UGT1A10: variants seen among roughly 807,000 people sequenced by gnomAD.
UGT1A10 encodes UDP glucuronosyltransferase family 1 member A10.
A neutral mutation model predicts 45.8 loss-of-function variants in UGT1A10; 49 were observed. The observed-to-expected ratio is 1.07, with a 90% CI of 0.85 to 1.36. The LOEUF (loss-of-function observed/expected upper bound fraction) is 1.36, where lower values mean the gene tolerates loss of function less well. UGT1A10 is among the 40% of genes most tolerant of loss of function. UGT1A10 has a pLI of 0.00. For synonymous variants in UGT1A10, 284 were observed against 249.7 expected (o/e 1.14, Z -1.29); for missense variants, 745 against 668.6 (o/e 1.11, Z -1.26).
chr2:233,709,314 G>A (rs1055601324), intron 1 of UGT1A10, among the ~76,000 whole-genome samples: 31 of 152,226 alleles, frequency 2.0e-4, no homozygotes, highest in Non-Finnish European at 2.2e-4. Flanking sequence ...TTAGATGTCA[G>A]ATTTTTTGTT....
At chr2:233,729,866 A>C (rs1305518931) in intron 1 of UGT1A10, 8 of 1,613,728 alleles carry the variant, frequency 5.0e-6, no homozygotes, top group Non-Finnish European at 5.9e-6. Flanking sequence ...TCAGTGGTGG[A>C]TATTCTCAGT....
At chr2:233,713,362 T>C (rs2076312243) in intron 1 of UGT1A10, 10 of 1,614,230 alleles carry the variant, frequency 6.2e-6, no homozygotes, top group Non-Finnish European at 8.5e-6. Context: ...TCTTTGATCA[T>C]ACATAGGTCT....
At chr2:233,755,342 A>G in intron 1 of UGT1A10, 1 of 423,680 alleles carries the variant, frequency 2.4e-6, no homozygotes, top group Non-Finnish European at 4.1e-6. Flanking sequence ...CGCACAGGTC[A>G]GAGGCTTGGC....
In UGT1A10 at chr2:233,694,973, C is replaced by T. The variant is rs45521138; in HGVS notation, c.855+57596C>T. Among the ~76,000 whole-genome samples, 1,213 of 152,278 alleles carry T rather than the reference C, an allele frequency of 8.0e-3. 9 individuals are homozygous for T. Among genetic ancestry groups the T allele is most frequent in the Non-Finnish European group, 0.011 (721 of 68,026 alleles). ...CCATCACCTTGAACATTTATTCCTT[C>T]CTTATGTTGGGAACATTCCCATTCT... On this transcript the variant is annotated intron_variant, in intron 1 of 4. Coordinates refer to ENST00000344644, the MANE Select transcript of UGT1A10 (RefSeq NM_019075.4).
At chr2:233,729,141 C>T (rs751723491) in intron 1 of UGT1A10, 1 of 1,613,272 alleles carries the variant, frequency 6.2e-7, no homozygotes, top group Admixed American at 1.7e-5. Flanking sequence ...CCACAGGACT[C>T]CAGGTTCCCC....
In UGT1A10 at chr2:233,691,469, C is replaced by A. The variant is rs183049628; in HGVS notation, c.855+54092C>A. ...CCCTTCCTGGGCCCCAGAACACCTCCGGTGCCAAACTTGTGGGTGGGAACA... is the reference window on the plus strand; with the variant it reads ...CCCTTCCTGGGCCCCAGAACACCTCAGGTGCCAAACTTGTGGGTGGGAACA... On this transcript the variant is annotated intron_variant, in intron 1 of 4. Transcript: ENST00000344644. 3.0e-6 allele frequency: 3 copies of A among 985,780 alleles called. No individual in the cohort carries two copies. In the East Asian group the frequency reaches 3.4e-4, roughly 111 times the overall value. 61.1% of individuals were successfully genotyped at this position (985,780 alleles called of 1,614,324 possible).
intron 1 of UGT1A10, chr2:233,682,765 C>G (rs141393523): frequency 8.1e-6 from 13 of 1,613,600 alleles, no homozygotes; most frequent in Non-Finnish European, 1.0e-5. Flanking sequence ...GTGGTATCAA[C>G]TGTCATCAGG....
At chr2:233,680,692 CA>C (rs112385329) in intron 1 of UGT1A10, among the ~76,000 whole-genome samples, 2,141 of 152,216 alleles carry the variant, frequency 0.014, 63 homozygotes, top group African/African-American at 0.049. Flanking sequence ...AGGATGAAAA[CA>C]GGTAGAAGAT....
At position 233,768,551 on chromosome 2, in the gene UGT1A10, A is replaced by G. The variant is rs1699641302; in HGVS notation, c.1295+112A>G. The G allele has an allele frequency of 4.1e-6, 6 of 1,478,370 alleles. No individual in the cohort carries two copies. The East Asian group carries it at 1.5e-4, about 37-fold the overall frequency. 91.6% of individuals were successfully genotyped at this position (1,478,370 alleles called of 1,614,324 possible). A position where few individuals can be genotyped will look rare whatever the true frequency, so the allele number is the denominator to read the frequency against. The stretch of plus-strand genomic sequence containing the variant: ...ATAGCGTTGTTTCAAATATAAAAAC[A>G]AATACATAAAAATCTGGATTTTTAT... On this transcript the variant is annotated intron_variant, in intron 4 of 4. Transcript: ENST00000344644.
At chr2:233,701,498 T>C (rs1292229198) in intron 1 of UGT1A10, among the ~76,000 whole-genome samples, 11 of 152,126 alleles carry the variant, frequency 7.2e-5, no homozygotes, top group Middle Eastern at 3.2e-3. Context: ...GCGGACCTAA[T>C]AGACATCTAC....
chr2:233,727,376 G>A lies in UGT1A10; in HGVS notation c.856-39658G>A, dbSNP rs2077610923. The stretch of plus-strand genomic sequence containing the variant: ...TATCCTTAGGGCCCCTAGGTCTCTG[G>A]AGTACCACCGTCTTCCAAGATACAT... On this transcript the variant is annotated intron_variant, in intron 1 of 4. Transcript: ENST00000344644. Among the ~76,000 whole-genome samples the A allele has an allele frequency of 2.0e-5, 3 of 152,142 alleles. No homozygotes were observed. The South Asian group carries it at 6.2e-4, about 32-fold the overall frequency.
rs372244167 is a variant in UGT1A10 at position 233,672,439 on chromosome 2, G to T, written c.855+35062G>T. On this transcript the variant is annotated intron_variant, in intron 1 of 4. Coordinates refer to ENST00000344644, the MANE Select transcript of UGT1A10 (RefSeq NM_019075.4). ...TTTCTCCCTCCCCTCCGTGGTCTTC[G>T]CCAGGGGAATACTTTGCCACTATCT... 3.7e-6 allele frequency: 6 copies of T among 1,613,606 alleles called. No individual in the cohort carries two copies. The African/African-American group carries it at 5.3e-5, about 14-fold the overall frequency.
At chr2:233,639,245 A>C (rs1009295222) in intron 1 of UGT1A10, among the ~76,000 whole-genome samples, 1 of 152,240 alleles carries the variant, frequency 6.6e-6, no homozygotes, top group Non-Finnish European at 1.5e-5. Flanking sequence ...TCTATTAAAG[A>C]ATATACACAT....
intron 1 of UGT1A10, among the ~76,000 whole-genome samples, chr2:233,650,107 A>G (rs1415642240): frequency 6.6e-6 from 1 of 152,020 alleles, no homozygotes; most frequent in Non-Finnish European, 1.5e-5. Context: ...AGTAGCTGGG[A>G]TTATAGGCAC....
chr2:233,663,467 G>A (rs1235596400), intron 1 of UGT1A10, among the ~76,000 whole-genome samples: 1 of 152,136 alleles, frequency 6.6e-6, no homozygotes, highest in Admixed American at 6.5e-5. Flanking sequence ...AGATGAGCCA[G>A]TTTATTGATC....
intron 1 of UGT1A10, chr2:233,648,457 TTTTA>T: frequency 1.9e-5 from 3 of 157,238 alleles, no homozygotes; most frequent in East Asian, 1.8e-4. Context: ...TTATTATTAT[TTTTA>T]TTTATTTATT....
chr2:233,720,567 T>C (rs1348899395), intron 1 of UGT1A10, among the ~76,000 whole-genome samples: 1 of 152,160 alleles, frequency 6.6e-6, no homozygotes, highest in Non-Finnish European at 1.5e-5. Flanking sequence ...GTGGGATCTA[T>C]TCTTTTTCCA....
intron 1 of UGT1A10, among the ~76,000 whole-genome samples, chr2:233,712,596 T>C (rs897261003): frequency 1.3e-5 from 2 of 152,068 alleles, no homozygotes; most frequent in African/African-American, 2.4e-5. Context: ...GACCATATGG[T>C]TGGGGACTAG....
At chr2:233,725,394 T>G (rs2077443989) in intron 1 of UGT1A10, among the ~76,000 whole-genome samples, 1 of 151,450 alleles carries the variant, frequency 6.6e-6, no homozygotes, top group Admixed American at 6.6e-5. Flanking sequence ...ATAGGTTACC[T>G]TGATGGTCTA....
Sources: gnomAD v4.1 joint callset for allele counts (sites outside exome capture counted in the v4.1 genomes callset) on GRCh38, gnomAD v4.1.1 for gene constraint, MANE v1.5 for transcripts, NCBI Gene and HGNC (gene_info 2026-07-23, HGNC 2026-07-21) for gene names.